The following RSF1 variants were observed in gnomAD, a reference collection of about 807,000 sequenced individuals.
RSF1 encodes the protein remodeling and spacing factor 1, also known as HBV pX-associated protein 8.
RSF1 carries 13 observed loss-of-function variants against 145.2 expected under a neutral mutation model. That is an observed-to-expected ratio of 0.09 (90% CI 0.06 to 0.14). The LOEUF (loss-of-function observed/expected upper bound fraction) is 0.14, where lower values mean the gene tolerates loss of function less well. Among genes scored for constraint, RSF1 ranks in the 10% least tolerant of loss-of-function variants. The pLI is 1.00. For synonymous variants in RSF1, 577 were observed against 592.6 expected, an observed-to-expected ratio of 0.97 and a Z score of 0.38; for missense variants, 1,517 against 1,718.2, an observed-to-expected ratio of 0.88 and a Z score of 2.07.
intron 2 of RSF1, among the ~76,000 whole-genome samples, chr11:77,751,174 C>A (rs1393355280): frequency 6.6e-6 from 1 of 152,016 alleles, no homozygotes; most frequent in Non-Finnish European, 1.5e-5. Context: ...ACTTCACATG[C>A]CTACAGAGCA....
At chr11:77,848,450 C>T in the RSF1 span, among the ~76,000 whole-genome samples, 1 of 151,776 alleles carries the variant, frequency 6.6e-6, no homozygotes, top group South Asian at 2.1e-4. Flanking sequence ...CTCTGCCTCC[C>T]AGGTTCAAGC....
At chr11:77,669,374 T>A (rs548415739) in intron 15 of RSF1, among the ~76,000 whole-genome samples, 1 of 152,296 alleles carries the variant, frequency 6.6e-6, no homozygotes, top group South Asian at 2.1e-4. Context: ...ACTCTTTTGC[T>A]CAAAATGTGG....
intron 1 of RSF1, among the ~76,000 whole-genome samples, chr11:77,803,692 T>C (rs1353736283): frequency 1.3e-5 from 2 of 151,864 alleles, no homozygotes; most frequent in Middle Eastern, 3.2e-3. Context: ...GGCAGGAGAA[T>C]TGCTTAAACC....
chr11:77,854,952 A>G, the RSF1 span, among the ~76,000 whole-genome samples: 18 of 152,336 alleles, frequency 1.2e-4, no homozygotes, highest in East Asian at 2.9e-3. Context: ...CCAAGCCTCA[A>G]TTGTCACACT....
At chr11:77,861,791 C>CT in the RSF1 span, among the ~76,000 whole-genome samples, 10 of 152,042 alleles carry the variant, frequency 6.6e-5, no homozygotes, top group Non-Finnish European at 1.0e-4. Flanking sequence ...AAGCGGTGGC[C>CT]TTTTTTTTAT....
chr11:77,733,847 C>A (rs1961269304), intron 4 of RSF1, among the ~76,000 whole-genome samples: 1 of 152,204 alleles, frequency 6.6e-6, no homozygotes, highest in African/African-American at 2.4e-5. Context: ...TAGGTGTGAG[C>A]CATCATGCTG....
rs1959298319 is a variant in RSF1 at position 77,663,994 on chromosome 11, A to G, written c.*2923T>C. ...TCTAAATCCATGGTTAGTGCTCTAA[A>G]AAAGATCCAAGACTGTCTAAACTCT... On this transcript the variant is annotated 3_prime_UTR_variant, in exon 16 of 16. Coordinates refer to ENST00000308488, the MANE Select transcript of RSF1 (RefSeq NM_016578.4). The G allele has an allele frequency of 6.6e-6, 1 of 152,232 alleles. No homozygotes were observed. The highest frequency in any genetic ancestry group is 6.5e-5 in the Admixed American group (1 of 15,282). 9.4% of individuals were successfully genotyped at this position (152,232 alleles called of 1,614,324 possible).
intron 1 of RSF1, among the ~76,000 whole-genome samples, chr11:77,815,786 T>C (rs1020069639): frequency 5.9e-5 from 9 of 152,200 alleles, no homozygotes; most frequent in African/African-American, 2.2e-4. Context: ...TAGCTACATC[T>C]GTACATAGCA....
intron 1 of RSF1, among the ~76,000 whole-genome samples, chr11:77,779,362 T>G (rs987977135): frequency 3.3e-5 from 5 of 151,490 alleles, no homozygotes; most frequent in Non-Finnish European, 7.4e-5. Flanking sequence ...CACACCACTA[T>G]GCCTTGCTAT....
chr11:77,745,875 T>G lies in RSF1; in HGVS notation c.372+1161A>C, dbSNP rs150173333. Among the ~76,000 whole-genome samples, 497 of 152,102 alleles carry G rather than the reference T, an allele frequency of 3.3e-3. 2 individuals carry two copies. The highest frequency in any genetic ancestry group is 0.011 in the African/African-American group (465 of 41,476). ...CAGCTATCCCAATGGTCTCTAAACA[T>G]TTTTGATCAAGCATCCTTACTACTA... On this transcript the variant is annotated intron_variant, in intron 3 of 15. Coordinates refer to ENST00000308488, the MANE Select transcript of RSF1 (RefSeq NM_016578.4).
rs898044878 is a variant in RSF1 at position 77,662,771 on chromosome 11, T to A, written c.*4146A>T. 7.9e-5 allele frequency: 12 copies of A among 152,132 alleles called. No homozygotes were observed. Among genetic ancestry groups the A allele is most frequent in the African/African-American group, 2.9e-4 (12 of 41,442 alleles). The allele number at this position is 152,132 out of a possible 1,614,324, so 9.4% of individuals were successfully genotyped here. On this transcript the variant is annotated 3_prime_UTR_variant, in exon 16 of 16. Coordinates refer to ENST00000308488, the MANE Select transcript of RSF1 (RefSeq NM_016578.4). The stretch of plus-strand genomic sequence containing the variant: ...TAATCTGAGAAGATTCAATAATGGA[T>A]CATATTAAGCAGAAGAGGGCTAGGT...
chr11:77,841,784 T>C, the RSF1 span, among the ~76,000 whole-genome samples: 2 of 152,172 alleles, frequency 1.3e-5, no homozygotes, highest in African/African-American at 2.4e-5. Flanking sequence ...CCCACCTAGT[T>C]TGCCAATCCA....
intron 5 of RSF1, among the ~76,000 whole-genome samples, chr11:77,724,280 A>C (rs548679725): frequency 6.6e-6 from 1 of 152,298 alleles, no homozygotes; most frequent in African/African-American, 2.4e-5. Context: ...TACTGGAAGG[A>C]ATGTAAAATG....
chr11:77,759,882 C>T (rs933601094), intron 2 of RSF1, among the ~76,000 whole-genome samples: 2 of 144,846 alleles, frequency 1.4e-5, no homozygotes, highest in Non-Finnish European at 3.0e-5. Flanking sequence ...AAGCATAGCA[C>T]TGAGTTTATA....
At chr11:77,678,513 G>A (rs745384957) in intron 11 of RSF1, among the ~76,000 whole-genome samples, 1 of 152,088 alleles carries the variant, frequency 6.6e-6, no homozygotes, top group Non-Finnish European at 1.5e-5. Context: ...GCACCCAGCT[G>A]TCCTTTTATT....
intron 1 of RSF1, among the ~76,000 whole-genome samples, chr11:77,780,547 C>T (rs559872817): frequency 2.0e-5 from 3 of 152,086 alleles, no homozygotes; most frequent in East Asian, 1.9e-4. Context: ...GACTATGGGC[C>T]GGGTGCTGTG....
rs1959366850 is a variant in RSF1 at position 77,666,499 on chromosome 11, T to C, written c.*418A>G. ...ATGTTTAAATATAATATATATTTAATATGAAAAAGCTAAAGCACAAGTGCT... is the reference window on the plus strand; with the variant it reads ...ATGTTTAAATATAATATATATTTAACATGAAAAAGCTAAAGCACAAGTGCT... On this transcript the variant is annotated 3_prime_UTR_variant, in exon 16 of 16. Transcript: ENST00000308488. The C allele has an allele frequency of 6.5e-6, 1 of 152,988 alleles. No individual in the cohort carries two copies. The highest frequency in any genetic ancestry group is 6.5e-5 in the Admixed American group (1 of 15,298). 9.5% of individuals were successfully genotyped at this position (152,988 alleles called of 1,614,324 possible). A position where few individuals can be genotyped will look rare whatever the true frequency, so the allele number is the denominator to read the frequency against.
the RSF1 span, among the ~76,000 whole-genome samples, chr11:77,833,009 A>ATAT: frequency 1.7e-4 from 10 of 60,020 alleles, no homozygotes; most frequent in African/African-American, 6.3e-4. Context: ...ATATATATAT[A>ATAT]TTTTTTTTTT....
chr11:77,758,082 G>GCTGTGA (rs1236725463), intron 2 of RSF1, among the ~76,000 whole-genome samples: 6 of 151,458 alleles, frequency 4.0e-5, no homozygotes, highest in African/African-American at 1.5e-4. Flanking sequence ...GCTGCAGTGA[G>GCTGTGA]CTGTGACTGC....
Sources: gnomAD v4.1 joint callset for allele counts (sites outside exome capture counted in the v4.1 genomes callset) on GRCh38, gnomAD v4.1.1 for gene constraint, MANE v1.5 for transcripts, NCBI Gene and HGNC (gene_info 2026-07-23, HGNC 2026-07-21) for gene names.